SAMD12: variants seen among roughly 807,000 people sequenced by gnomAD.
SAMD12 encodes the protein sterile alpha motif domain containing 12.
Under a neutral mutation model 15.0 loss-of-function variants are expected in SAMD12, and 9 were observed. The ratio of observed to expected loss-of-function variants is 0.60; its 90% CI spans 0.36 to 1.05. SAMD12 has a LOEUF of 1.05. Ranked by LOEUF, SAMD12 falls within the 50% of genes least tolerant of loss-of-function variation. The probability of loss-of-function intolerance (pLI) is 0.01; values close to 1 mark genes in which losing one functional copy is unlikely to be tolerated. For synonymous variants in SAMD12, 86 were observed against 90.1 expected (o/e 0.96, Z 0.25); for missense variants, 230 against 234.2 (o/e 0.98, Z 0.12).
At chr8:118,173,929 C>CTA in the SAMD12 span, among the ~76,000 whole-genome samples, 851 of 149,940 alleles carry the variant, frequency 5.7e-3, 7 homozygotes, top group African/African-American at 0.019. Context: ...CACATCCAGC[C>CTA]TATATATATA....
At chr8:118,554,294 C>T (rs1262427132) in intron 2 of SAMD12, among the ~76,000 whole-genome samples, 1 of 152,056 alleles carries the variant, frequency 6.6e-6, no homozygotes, top group African/African-American at 2.4e-5. Flanking sequence ...AAATGTCCAA[C>T]AATGATAGAA....
At chr8:118,144,471 G>A in the SAMD12 span, among the ~76,000 whole-genome samples, 11 of 151,854 alleles carry the variant, frequency 7.2e-5, no homozygotes, top group Admixed American at 7.2e-4. Context: ...CAGTGCCTGG[G>A]ACATAGTAGA....
intron 4 of SAMD12, among the ~76,000 whole-genome samples, chr8:118,344,593 G>A (rs1040651666): frequency 2.0e-5 from 3 of 152,234 alleles, no homozygotes; most frequent in Non-Finnish European, 2.9e-5. Context: ...CTCTGGAAAT[G>A]GAAACAACAG....
chr8:118,165,171 G>C, the SAMD12 span, among the ~76,000 whole-genome samples: 1 of 152,118 alleles, frequency 6.6e-6, no homozygotes, highest in African/African-American at 2.4e-5. Flanking sequence ...GTTGTGGCTT[G>C]TGCTTCTGAC....
chr8:118,169,482 A>G, the SAMD12 span, among the ~76,000 whole-genome samples: 1 of 152,252 alleles, frequency 6.6e-6, no homozygotes, highest in African/African-American at 2.4e-5. Context: ...TGTTGGGGCT[A>G]CATTTCTTTG....
chr8:118,386,867 C>T (rs991546565), intron 3 of SAMD12, among the ~76,000 whole-genome samples: 1 of 152,198 alleles, frequency 6.6e-6, no homozygotes, highest in African/African-American at 2.4e-5. Context: ...CAAGAGTGGC[C>T]TCAGACCCTG....
At chr8:118,311,741 C>A (rs774435962) in intron 4 of SAMD12, among the ~76,000 whole-genome samples, 5 of 152,192 alleles carry the variant, frequency 3.3e-5, no homozygotes, top group Non-Finnish European at 5.9e-5. Context: ...CCATCCTTCT[C>A]AGAAACTCTG....
At chr8:118,350,897 C>T (rs76881974) in intron 4 of SAMD12, among the ~76,000 whole-genome samples, 1,945 of 152,278 alleles carry the variant, frequency 0.013, 40 homozygotes, top group African/African-American at 0.043. Context: ...CTGCCTGCCT[C>T]TTATAAGCTA....
chr8:118,403,361 AT>A lies in SAMD12; in HGVS notation c.323-23662del, dbSNP rs1032731229. 9.0e-3 allele frequency among the ~76,000 whole-genome samples: 1,339 copies of A among 149,562 alleles called. 29 individuals carry two copies. Among genetic ancestry groups the A allele is most frequent in the African/African-American group, 0.03 (1,227 of 40,890 alleles). On this transcript the variant is annotated intron_variant, in intron 3 of 3. Coordinates refer to ENST00000314727, the MANE Select transcript of SAMD12 (RefSeq NM_207506.3). ...TGTACAGTCTGTGTGTGTGTGGTGT[AT>A]TTTTTTTTTAATAAGAGGCAGTATG...
chr8:118,377,743 GA>G (rs1199229364), downstream of SAMD12, among the ~76,000 whole-genome samples: 4 of 152,244 alleles, frequency 2.6e-5, no homozygotes, highest in African/African-American at 9.6e-5. Context: ...GACATTAGTA[GA>G]GGAAAAGAGT....
intron 4 of SAMD12, among the ~76,000 whole-genome samples, chr8:118,211,285 T>C (rs762725651): frequency 6.6e-6 from 1 of 152,180 alleles, no homozygotes; most frequent in African/African-American, 2.4e-5. Context: ...AATGAAGGAC[T>C]GTATTAGAAG....
At chr8:118,617,415 A>G (rs1424074835) in intron 1 of SAMD12, among the ~76,000 whole-genome samples, 1 of 152,242 alleles carries the variant, frequency 6.6e-6, no homozygotes, top group Non-Finnish European at 1.5e-5. Context: ...GAACCTGAGC[A>G]CTGAATGACT....
At chr8:118,375,946 C>T (rs1177621489), downstream of SAMD12, 2 of 152,132 alleles carry the variant, frequency 1.3e-5, no homozygotes, top group African/African-American at 4.8e-5. Context: ...ATATAGTATA[C>T]ATTGTTCTGC....
intron 2 of SAMD12, among the ~76,000 whole-genome samples, chr8:118,455,864 A>C (rs1823234773): frequency 6.6e-6 from 1 of 152,292 alleles, no homozygotes; most frequent in African/African-American, 2.4e-5. Flanking sequence ...GGGTATACCC[A>C]GAAATATCTT....
the SAMD12 span, among the ~76,000 whole-genome samples, chr8:118,159,717 T>A: frequency 3.9e-5 from 1 of 25,452 alleles, no homozygotes; most frequent in African/African-American, 1.2e-4. Flanking sequence ...TTCTTTTTTT[T>A]TCTTTTTTTT....
At chr8:118,164,432 C>T in the SAMD12 span, among the ~76,000 whole-genome samples, 2 of 152,212 alleles carry the variant, frequency 1.3e-5, no homozygotes, top group African/African-American at 4.8e-5. Flanking sequence ...AGTGCTCTGT[C>T]TCCAGCCTGC....
chr8:118,485,067 G>A (rs1037798300), intron 2 of SAMD12, among the ~76,000 whole-genome samples: 4 of 151,992 alleles, frequency 2.6e-5, no homozygotes, highest in South Asian at 2.1e-4. Flanking sequence ...CCCAAGCCCT[G>A]GCTTTTCACT....
intron 3 of SAMD12, among the ~76,000 whole-genome samples, chr8:118,386,979 T>C (rs744081): frequency 0.01 from 1,529 of 152,242 alleles, 26 homozygotes; most frequent in African/African-American, 0.035. Context: ...AAATAGATCA[T>C]TGGACAGTTC....
chr8:118,547,652 G>A (rs998812623), intron 2 of SAMD12, among the ~76,000 whole-genome samples: 1 of 152,156 alleles, frequency 6.6e-6, no homozygotes, highest in African/African-American at 2.4e-5. Context: ...TTCTTGAAAG[G>A]TAGGGTGAGA....
Sources: allele counts gnomAD v4.1 joint callset (sites outside exome capture counted in the v4.1 genomes callset), GRCh38; gene constraint gnomAD v4.1.1; transcripts MANE v1.5; gene names NCBI Gene and HGNC (gene_info 2026-07-23, HGNC 2026-07-21).